The following PCDHGA8 variants were observed in gnomAD, a reference collection of about 807,000 sequenced individuals.
PCDHGA8 encodes the protein protocadherin gamma-A8.
A neutral mutation model predicts 59.2 loss-of-function variants in PCDHGA8; 45 were observed. That is an observed-to-expected ratio of 0.76 (90% confidence interval 0.60 to 0.98). The LOEUF (loss-of-function observed/expected upper bound fraction) is 0.98, where lower values mean the gene tolerates loss of function less well. PCDHGA8 is among the 50% of genes least tolerant of loss of function. The pLI is 0.00. For synonymous variants in PCDHGA8, 531 were observed against 519.0 expected (o/e 1.02, Z -0.32); for missense variants, 1,257 against 1,196.2 (o/e 1.05, Z -0.75).
In PCDHGA8 at chr5:141,476,432, G is replaced by A. The variant is rs139089802; in HGVS notation, c.2425-18375G>A. 15 of 1,614,116 alleles carry A rather than the reference G, an allele frequency of 9.3e-6. No individual in the cohort carries two copies. The East Asian group carries it at 3.3e-4, about 36-fold the overall frequency. Reference sequence around the variant, plus strand: ...GTGTGGGACACTGCCCTCTTGCACTGTAACTCTGGAGTTGGTAGTGGAGAA... The same window carrying A: ...GTGTGGGACACTGCCCTCTTGCACTATAACTCTGGAGTTGGTAGTGGAGAA... On this transcript the variant is annotated intron_variant, in intron 1 of 3. Coordinates refer to ENST00000398604, the MANE Select transcript of PCDHGA8 (RefSeq NM_032088.2). The surrounding 1 kb of genome is among the most constrained non-coding windows in gnomAD (Gnocchi z 7.6).
chr5:141,404,908 C>T, intron 1 of PCDHGA8: 1 of 1,613,882 alleles, frequency 6.2e-7, no homozygotes, highest in Non-Finnish European at 8.5e-7. Context: ...ATGGCCAGCC[C>T]CCTCTCTCGG....
chr5:141,410,140 G>GCGTGA, intron 1 of PCDHGA8: 1 of 1,612,782 alleles, frequency 6.2e-7, no homozygotes, highest in Non-Finnish European at 8.5e-7. Flanking sequence ...TGGTCGCTGT[G>GCGTGA]CGTGACGGTG....
intron 1 of PCDHGA8, chr5:141,430,688 A>G: frequency 1.4e-6 from 2 of 1,402,360 alleles, no homozygotes; most frequent in Non-Finnish European, 1.9e-6. Context: ...GTCCCATTCT[A>G]TGGGCGAAGG....
chr5:141,477,582 A>G lies in PCDHGA8; in HGVS notation c.2425-17225A>G. On this transcript the variant is annotated intron_variant, in intron 1 of 3. Transcript: ENST00000398604. This position sits in a 1 kb window ranked among gnomAD's most constrained non-coding sequence, Gnocchi z 4.9. Reference sequence around the variant, plus strand: ...GTCTGGGACCCCGACGCCCCGCAGAATGCTCGGCTTTCTTTCTTTCTCTTG... The same window carrying G: ...GTCTGGGACCCCGACGCCCCGCAGAGTGCTCGGCTTTCTTTCTTTCTCTTG... The G allele has an allele frequency of 6.2e-7, 1 of 1,614,190 alleles. No homozygotes were observed.
At position 141,511,216 on chromosome 5, in the gene PCDHGA8, C is replaced by G. The variant is rs374915167; in HGVS notation, c.*43C>G. Reference sequence around the variant, plus strand: ...GAGCCACAGGGCGGCCTCTCCCCAACCAGCCCAGCTTCTCCTTACCTGCAC... The same window carrying G: ...GAGCCACAGGGCGGCCTCTCCCCAAGCAGCCCAGCTTCTCCTTACCTGCAC... On this transcript the variant is annotated 3_prime_UTR_variant, in exon 4 of 4. Coordinates refer to ENST00000398604, the MANE Select transcript of PCDHGA8 (RefSeq NM_032088.2). 4.2e-5 allele frequency: 68 copies of G among 1,608,004 alleles called. No individual in the cohort carries two copies. The highest frequency in any genetic ancestry group is 6.7e-5 in the East Asian group (3 of 44,538).
Position 141,463,438 on chromosome 5 carries a change from CTTTTTTTTT to C in PCDHGA8, c.2425-31349_2425-31341del, listed in dbSNP as rs71576115. 5.5e-3 allele frequency among the ~76,000 whole-genome samples: 572 copies of C among 103,208 alleles called. 4 individuals carry two copies. The highest frequency in any genetic ancestry group is 8.7e-3 in the Non-Finnish European group (462 of 53,292). The allele number at this position is 103,208 out of a possible 152,430, so 67.7% of individuals were successfully genotyped here. On this transcript the variant is annotated intron_variant, in intron 1 of 3. Transcript: ENST00000398604. ...GTTTGCGGATCCTCATTTCCTTCTC[CTTTTTTTTT>C]TTTTTTTTTTTTTTTTTTTGAGATG...
intron 1 of PCDHGA8, chr5:141,441,978 A>T (rs769977785): frequency 9.1e-5 from 26 of 285,248 alleles, no homozygotes; most frequent in Non-Finnish European, 1.8e-4. Flanking sequence ...TCAGCCTGGA[A>T]TGCGCACCGA....
intron 1 of PCDHGA8, chr5:141,433,291 T>C: frequency 9.1e-7 from 1 of 1,094,048 alleles, no homozygotes; most frequent in Non-Finnish European, 1.3e-6. Context: ...ACTCCTAGGC[T>C]CAAGCAATTA....
Position 141,394,899 on chromosome 5 carries a change from G to A in PCDHGA8, c.2086G>A (p.Ala696Thr). Residue 696 changes from alanine to threonine, a missense_variant, in exon 1 of 4, where the codon GCA becomes ACA. Physicochemically the swap from Ala to Thr is moderately conservative, Grantham distance 58. Transcript: ENST00000398604. ...DSSLTLYLVV[A>T]VAAISCVFLA... ...GAGCCTTACACTCTATCTCGTGGTG[G>A]CAGTGGCTGCCATCTCCTGTGTCTT... 1 of 1,613,804 alleles carries A rather than the reference G, an allele frequency of 6.2e-7. No individual in the cohort carries two copies. The highest frequency in any genetic ancestry group is 1.7e-5 in the Admixed American group (1 of 60,026).
rs1329158220 is a variant in PCDHGA8, at chr5:141,413,339, A to G, written c.2424+18102A>G. On this transcript the variant is annotated intron_variant, in intron 1 of 3. Coordinates refer to ENST00000398604, the MANE Select transcript of PCDHGA8 (RefSeq NM_032088.2). Reference sequence around the variant, plus strand: ...TCTTTCGTGGGCAACATCTCCAAGGACTTGGGTCTGGCGCCCCGGGAGCTG... The same window carrying G: ...TCTTTCGTGGGCAACATCTCCAAGGGCTTGGGTCTGGCGCCCCGGGAGCTG... The G allele has an allele frequency of 1.3e-5, 21 of 1,613,832 alleles. No individual in the cohort carries two copies. Among genetic ancestry groups the G allele is most frequent in the African/African-American group, 2.7e-5 (2 of 74,940 alleles).
At chr5:141,478,251 T>C in intron 1 of PCDHGA8, 1 of 1,614,072 alleles carries the variant, frequency 6.2e-7, no homozygotes, top group Non-Finnish European at 8.5e-7. Context: ...GTGTTCGGAG[T>C]AATCATATTC....
At chr5:141,455,225 C>CA (rs2098817003) in intron 1 of PCDHGA8, among the ~76,000 whole-genome samples, 2 of 151,666 alleles carry the variant, frequency 1.3e-5, no homozygotes, top group South Asian at 2.1e-4. Context: ...AATGCTTTGA[C>CA]AAAAAATGTT....
intron 1 of PCDHGA8, among the ~76,000 whole-genome samples, chr5:141,472,267 C>T (rs547832378): frequency 6.6e-5 from 10 of 152,216 alleles, no homozygotes; most frequent in African/African-American, 2.4e-4. Context: ...TATAGCCGGG[C>T]ACAGTGGCTC....
chr5:141,412,559 G>C (rs1408913988), intron 1 of PCDHGA8: 2 of 152,100 alleles, frequency 1.3e-5, no homozygotes, highest in African/African-American at 4.8e-5. Context: ...TATCTCATGA[G>C]TTTATTTAAT....
chr5:141,502,331 G>C lies in PCDHGA8; in HGVS notation c.2484-3062G>C, dbSNP rs555959890. ...TCCTTTAATCTGGAGCCAGCTCCCA[G>C]TCTTTTTATTTTTTTAATGACATGG... On this transcript the variant is annotated intron_variant, in intron 2 of 3. Transcript: ENST00000398604. Among the ~76,000 whole-genome samples, 42 of 152,102 alleles carry C rather than the reference G, an allele frequency of 2.8e-4. No individual in the cohort carries two copies. The South Asian group carries it at 6.2e-3, about 23-fold the overall frequency.
intron 1 of PCDHGA8, chr5:141,423,189 T>A (rs2096719374): frequency 1.2e-6 from 2 of 1,613,562 alleles, no homozygotes; most frequent in Non-Finnish European, 8.5e-7. Flanking sequence ...GCCAGCCCCC[T>A]CTCTCGGCCA....
chr5:141,443,172 C>T (rs1454734622), intron 1 of PCDHGA8, among the ~76,000 whole-genome samples: 1 of 152,176 alleles, frequency 6.6e-6, no homozygotes, highest in Non-Finnish European at 1.5e-5. Flanking sequence ...CTACCCATGT[C>T]CACTGCATCA....
At chr5:141,425,258 G>T (rs965944291) in intron 1 of PCDHGA8, among the ~76,000 whole-genome samples, 2 of 152,134 alleles carry the variant, frequency 1.3e-5, no homozygotes, top group Non-Finnish European at 2.9e-5. Context: ...GAGGTATTTG[G>T]CTGGGAAAAG....
At chr5:141,501,288 T>TATACAC (rs201660636) in intron 2 of PCDHGA8, among the ~76,000 whole-genome samples, 3,536 of 81,176 alleles carry the variant, frequency 0.044, 56 homozygotes, top group Admixed American at 0.065. Flanking sequence ...GATATTCCCT[T>TATACAC]ATACACACAC....
Sources: allele counts gnomAD v4.1 joint callset (sites outside exome capture counted in the v4.1 genomes callset), GRCh38; gene constraint gnomAD v4.1.1; non-coding constraint Gnocchi (gnomAD v3.1); transcripts MANE v1.5; gene names NCBI Gene and HGNC (gene_info 2026-07-23, HGNC 2026-07-21).